PTPRD: variants seen among roughly 807,000 people sequenced by gnomAD.
The protein encoded by PTPRD is protein tyrosine phosphatase receptor type D, also known as receptor-type tyrosine-protein phosphatase delta.
PTPRD carries 34 observed loss-of-function variants against 214.5 expected under a neutral mutation model. The ratio of observed to expected loss-of-function variants is 0.16; its 90% CI spans 0.12 to 0.21. The LOEUF (loss-of-function observed/expected upper bound fraction) is 0.21, where lower values mean the gene tolerates loss of function less well. Among genes scored for constraint, PTPRD ranks in the 10% least tolerant of loss-of-function variants. The probability of loss-of-function intolerance (pLI) is 1.00; values close to 1 mark genes in which losing one functional copy is unlikely to be tolerated. For missense variants in PTPRD, 2,545 were observed against 2,398.7 expected, an observed-to-expected ratio of 1.06 and a Z score of -1.27; for synonymous variants, 1,128 against 845.7, an observed-to-expected ratio of 1.33 and a Z score of -5.79.
At chr9:9,095,587 C>T (rs1161170131) in intron 10 of PTPRD, among the ~76,000 whole-genome samples, 1 of 152,076 alleles carries the variant, frequency 6.6e-6, no homozygotes, top group Admixed American at 6.6e-5. Flanking sequence ...GCCTCAGTCA[C>T]CCAAAGTGTT....
At chr9:9,478,601 C>A (rs186715849) in intron 8 of PTPRD, among the ~76,000 whole-genome samples, 1 of 152,260 alleles carries the variant, frequency 6.6e-6, no homozygotes, top group East Asian at 1.9e-4. Flanking sequence ...TTATTTCCTA[C>A]TGTCCTGCAT....
At chr9:8,500,558 G>GGAAAAAAAA (rs2097373754) in intron 24 of PTPRD, among the ~76,000 whole-genome samples, 196 bp downstream of exon 24, 186 of 14,316 alleles carry the variant, frequency 0.013, 10 homozygotes, top group Admixed American at 0.043. Flanking sequence ...TGAAAAAAAT[G>GGAAAAAAAA]AAAAAAAAAA....
At chr9:9,131,492 C>T (rs1569549862) in intron 10 of PTPRD, among the ~76,000 whole-genome samples, 1 of 152,046 alleles carries the variant, frequency 6.6e-6, no homozygotes, top group African/African-American at 2.4e-5. Flanking sequence ...TTCGCTATTA[C>T]CATTGTAAAA....
intron 35 of PTPRD, among the ~76,000 whole-genome samples, chr9:8,428,045 G>A (rs909624110): frequency 2.0e-5 from 3 of 152,202 alleles, no homozygotes; most frequent in African/African-American, 7.2e-5. Flanking sequence ...ATATAGAGAT[G>A]AACAAACTAA....
At chr9:10,202,854 A>C (rs2154335283) in intron 3 of PTPRD, among the ~76,000 whole-genome samples, 1 of 151,858 alleles carries the variant, frequency 6.6e-6, no homozygotes, top group South Asian at 2.1e-4. Flanking sequence ...TACAAGGAAA[A>C]GATGGCCAAA....
rs1264168148 is a variant in PTPRD, at chr9:8,623,150, CT to C, written c.352+10166del. ...TGGATGACAAAGTGGTACCCTGTCT[CT>C]AAAAAAACAAAAAACACAAATGTTT... On this transcript the variant is annotated intron_variant, in intron 14 of 45. Coordinates refer to ENST00000381196, the MANE Select transcript of PTPRD (RefSeq NM_002839.4). 1.1e-4 allele frequency among the ~76,000 whole-genome samples: 16 copies of C among 151,724 alleles called. 2 individuals carry two copies. The highest frequency in any genetic ancestry group is 3.6e-4 in the African/African-American group (15 of 41,358).
At chr9:8,852,383 C>G (rs1049735706) in intron 11 of PTPRD, among the ~76,000 whole-genome samples, 2 of 152,312 alleles carry the variant, frequency 1.3e-5, no homozygotes, top group Non-Finnish European at 2.9e-5. Flanking sequence ...ACATTGTTAT[C>G]TGAATGTCAA....
At chr9:9,101,538 G>C (rs1454491007) in intron 10 of PTPRD, among the ~76,000 whole-genome samples, 1 of 152,140 alleles carries the variant, frequency 6.6e-6, no homozygotes, top group Non-Finnish European at 1.5e-5. Context: ...CAAAGTGCTT[G>C]CTCAAGATTG....
chr9:9,708,286 G>C (rs113506444), intron 7 of PTPRD, among the ~76,000 whole-genome samples: 101 of 152,104 alleles, frequency 6.6e-4, no homozygotes, highest in African/African-American at 2.3e-3. Flanking sequence ...TCTCTACCTG[G>C]AGTTTCTCTT....
At chr9:9,349,949 T>C (rs1284822402) in intron 9 of PTPRD, among the ~76,000 whole-genome samples, 5 of 152,054 alleles carry the variant, frequency 3.3e-5, no homozygotes, top group South Asian at 2.1e-4. Context: ...TAGAGGGGTA[T>C]CCTGAAATGT....
chr9:9,635,937 GA>G (rs961870474), intron 7 of PTPRD, among the ~76,000 whole-genome samples: 1 of 151,962 alleles, frequency 6.6e-6, no homozygotes, highest in Non-Finnish European at 1.5e-5. Flanking sequence ...ATTCACAGCA[GA>G]AAAAAATGAT....
intron 32 of PTPRD, among the ~76,000 whole-genome samples, chr9:8,462,573 G>C (rs1273059910): frequency 6.6e-6 from 1 of 151,842 alleles, no homozygotes; most frequent in African/African-American, 2.4e-5. Context: ...ATCACAGTGG[G>C]CTTCTTGCTA....
chr9:9,417,929 G>A (rs1229510513), intron 8 of PTPRD, among the ~76,000 whole-genome samples: 2 of 151,932 alleles, frequency 1.3e-5, no homozygotes, highest in Non-Finnish European at 2.9e-5. Context: ...CTTTTCTGTT[G>A]ATAAAATATC....
intron 7 of PTPRD, among the ~76,000 whole-genome samples, chr9:9,659,310 C>G (rs909543876): frequency 3.3e-5 from 5 of 151,964 alleles, no homozygotes; most frequent in Admixed American, 1.3e-4. Context: ...TTTATATGGC[C>G]TCCAATTCTT....
At chr9:10,571,345 T>C (rs1288903812) in intron 2 of PTPRD, among the ~76,000 whole-genome samples, 2 of 152,222 alleles carry the variant, frequency 1.3e-5, no homozygotes, top group South Asian at 2.1e-4. Flanking sequence ...ATCTTTAGTA[T>C]ACAAATATTT....
Position 9,693,295 on chromosome 9 carries a change from G to C in PTPRD, c.-287+41238C>G, listed in dbSNP as rs192246717. 7.5e-3 allele frequency among the ~76,000 whole-genome samples: 1,141 copies of C among 152,150 alleles called. 19 individuals carry two copies. Among genetic ancestry groups the C allele is most frequent in the African/African-American group, 0.026 (1,083 of 41,520 alleles). On this transcript the variant is annotated intron_variant, in intron 7 of 45. Coordinates refer to ENST00000381196, the MANE Select transcript of PTPRD (RefSeq NM_002839.4). ...AATCTGGTGAGAAGTGACTGGGTTA[G>C]GGGAATGGTTTCCCGCATAATGTTC...
At chr9:9,331,427 T>C (rs1456425764) in intron 9 of PTPRD, among the ~76,000 whole-genome samples, 4 of 152,094 alleles carry the variant, frequency 2.6e-5, no homozygotes, top group South Asian at 2.1e-4. Context: ...TAGAGAGACA[T>C]TGGATTATCT....
At chr9:9,519,501 A>T (rs913594304) in intron 8 of PTPRD, among the ~76,000 whole-genome samples, 5 of 152,010 alleles carry the variant, frequency 3.3e-5, no homozygotes, top group Admixed American at 3.3e-4. Flanking sequence ...TACCAGGAAT[A>T]AAAGAAGAAC....
chr9:10,142,942 G>T (rs567522087), intron 3 of PTPRD, among the ~76,000 whole-genome samples: 9 of 151,638 alleles, frequency 5.9e-5, no homozygotes, highest in African/African-American at 1.9e-4. Context: ...ATACTATGCA[G>T]CCATAAAAAA....
Sources: allele counts gnomAD v4.1 joint callset (sites outside exome capture counted in the v4.1 genomes callset), GRCh38; gene constraint gnomAD v4.1.1; transcripts MANE v1.5; gene names NCBI Gene and HGNC (gene_info 2026-07-23, HGNC 2026-07-21).